UNC13C: variants seen among roughly 807,000 people sequenced by gnomAD.
UNC13C encodes unc-13 homolog C, also known as protein unc-13 homolog C.
Under a neutral mutation model 245.4 loss-of-function variants are expected in UNC13C, and 174 were observed. The observed-to-expected ratio is 0.71, with a 90% CI of 0.63 to 0.80. The LOEUF is 0.80. Ranked by LOEUF, UNC13C falls within the 30% of genes least tolerant of loss-of-function variation. The pLI is 0.00. For missense variants in UNC13C, 2,829 were observed against 2,602.9 expected (o/e 1.09, Z -1.89); for synonymous variants, 992 against 895.1 (o/e 1.11, Z -1.93).
At chr15:54,360,468 T>G (rs1424702060) in intron 17 of UNC13C, among the ~76,000 whole-genome samples, 1 of 152,106 alleles carries the variant, frequency 6.6e-6, no homozygotes, top group African/African-American at 2.4e-5. Flanking sequence ...TATTTATATT[T>G]TTAGGTGCTC....
chr15:54,246,358 A>C (rs78785995), intron 7 of UNC13C, among the ~76,000 whole-genome samples: 1 of 151,880 alleles, frequency 6.6e-6, no homozygotes, highest in Non-Finnish European at 1.5e-5. Context: ...GATGTCTATA[A>C]CAGCAAAAAA....
intron 25 of UNC13C, among the ~76,000 whole-genome samples, chr15:54,526,158 G>C (rs1422188867): frequency 6.6e-6 from 1 of 152,122 alleles, no homozygotes; most frequent in East Asian, 1.9e-4. Flanking sequence ...TACCCCATGG[G>C]AAGGAGTTTG....
At chr15:54,476,740 C>T (rs1438160209) in intron 19 of UNC13C, among the ~76,000 whole-genome samples, 4 of 148,688 alleles carry the variant, frequency 2.7e-5, no homozygotes, top group African/African-American at 5.0e-5. Context: ...AGTCAGGTAG[C>T]ATGATGCCTC....
intron 24 of UNC13C, among the ~76,000 whole-genome samples, chr15:54,519,280 A>C (rs1474035017): frequency 6.6e-6 from 1 of 152,238 alleles, no homozygotes; most frequent in Non-Finnish European, 1.5e-5. Flanking sequence ...CATCACTCAT[A>C]TAAAGCCTGA....
At chr15:54,439,668 G>T (rs1244043498) in intron 19 of UNC13C, among the ~76,000 whole-genome samples, 1 of 151,526 alleles carries the variant, frequency 6.6e-6, no homozygotes, top group Non-Finnish European at 1.5e-5. Flanking sequence ...TGTGATATTT[G>T]TACATATTTA....
chr15:53,898,498 C>T, the UNC13C span, among the ~76,000 whole-genome samples: 1 of 151,998 alleles, frequency 6.6e-6, no homozygotes. Context: ...TCAAACATTT[C>T]CCCAAACAGT....
At chr15:54,311,437 C>T (rs1170829825) in intron 13 of UNC13C, among the ~76,000 whole-genome samples, 1 of 151,508 alleles carries the variant, frequency 6.6e-6, no homozygotes, top group African/African-American at 2.4e-5. Context: ...TTAATTAGCT[C>T]ACAAGAAAAA....
At chr15:54,517,955 T>C (rs565147819) in intron 24 of UNC13C, among the ~76,000 whole-genome samples, 1 of 152,074 alleles carries the variant, frequency 6.6e-6, no homozygotes, top group Non-Finnish European at 1.5e-5. Flanking sequence ...AAAAGGGAAA[T>C]GTAATTTGGC....
intron 2 of UNC13C, among the ~76,000 whole-genome samples, chr15:54,106,866 C>A (rs909545722): frequency 6.6e-6 from 1 of 152,208 alleles, no homozygotes; most frequent in Non-Finnish European, 1.5e-5. Flanking sequence ...AAAAGAAGTG[C>A]TTTTCTTGTT....
At chr15:53,957,776 A>C in the UNC13C span, among the ~76,000 whole-genome samples, 1 of 152,200 alleles carries the variant, frequency 6.6e-6, no homozygotes, top group Non-Finnish European at 1.5e-5. Context: ...TTAAGTCAGC[A>C]CACATTTATT....
Position 54,143,701 on chromosome 15 carries a change from C to G in UNC13C, c.3071+17C>G. The G allele has an allele frequency of 1.9e-6, 3 of 1,606,112 alleles. No individual in the cohort carries two copies. The Admixed American group carries it at 5.0e-5, about 27-fold the overall frequency. On this transcript the variant is annotated intron_variant, in intron 4 of 32. Coordinates refer to ENST00000260323, the MANE Select transcript of UNC13C (RefSeq NM_001080534.3). ...GTGTGGTGGGTAAGTACCTTCATAC[C>G]TTTCTAATTTATTCCATTCATAGAT...
chr15:54,358,623 T>C (rs1476594884), intron 17 of UNC13C, among the ~76,000 whole-genome samples: 1 of 151,956 alleles, frequency 6.6e-6, no homozygotes. Flanking sequence ...CTGTAATTGG[T>C]GTGTAGAAAT....
chr15:54,174,418 G>T (rs907894799), intron 4 of UNC13C, among the ~76,000 whole-genome samples: 8 of 152,158 alleles, frequency 5.3e-5, no homozygotes, highest in African/African-American at 1.9e-4. Context: ...TTTGTGGAGA[G>T]ATTTTTCATA....
chr15:54,340,779 G>T (rs1165578129), intron 17 of UNC13C, among the ~76,000 whole-genome samples: 2 of 151,938 alleles, frequency 1.3e-5, no homozygotes, highest in Non-Finnish European at 1.5e-5. Flanking sequence ...GCTCTGTTTT[G>T]GTTCCATATG....
At chr15:54,352,554 G>T (rs529827258) in intron 17 of UNC13C, among the ~76,000 whole-genome samples, 1 of 151,534 alleles carries the variant, frequency 6.6e-6, no homozygotes, top group South Asian at 2.1e-4. Flanking sequence ...TTCCTGATTC[G>T]TCAGAACAGT....
intron 17 of UNC13C, among the ~76,000 whole-genome samples, chr15:54,372,039 A>G (rs558711148): frequency 7.0e-4 from 107 of 152,324 alleles, no homozygotes; most frequent in African/African-American, 2.4e-3. Context: ...ACATGTGACT[A>G]TTATTAATAA....
At chr15:54,114,969 C>G (rs1470398206) in intron 2 of UNC13C, among the ~76,000 whole-genome samples, 1 of 152,076 alleles carries the variant, frequency 6.6e-6, no homozygotes, top group Non-Finnish European at 1.5e-5. Flanking sequence ...CAGATTTCCA[C>G]TTAATGAATT....
At chr15:54,375,937 AAAAC>A (rs1343000027) in intron 17 of UNC13C, among the ~76,000 whole-genome samples, 1 of 152,224 alleles carries the variant, frequency 6.6e-6, no homozygotes, top group Non-Finnish European at 1.5e-5. Flanking sequence ...ACAGCAAAAG[AAAAC>A]AAACACCCAT....
chr15:53,889,240 G>A, the UNC13C span, among the ~76,000 whole-genome samples: 42 of 152,246 alleles, frequency 2.8e-4, no homozygotes, highest in African/African-American at 9.6e-4. Context: ...GCAGTAGTTT[G>A]TGGTTCTCCT....
Sources: gnomAD v4.1 joint callset for allele counts (sites outside exome capture counted in the v4.1 genomes callset) on GRCh38, gnomAD v4.1.1 for gene constraint, MANE v1.5 for transcripts, NCBI Gene and HGNC (gene_info 2026-07-23, HGNC 2026-07-21) for gene names.